Variants in NCOA7 observed in about 807,000 individuals in gnomAD.
The protein encoded by NCOA7 is nuclear receptor coactivator 7, also known as 140 kDa estrogen receptor-associated protein.
NCOA7 carries 45 observed loss-of-function variants against 104.3 expected under a neutral mutation model. That is an observed-to-expected ratio of 0.43 (90% CI 0.34 to 0.55). The LOEUF is 0.55. NCOA7 is among the 20% of genes least tolerant of loss of function. NCOA7 has a pLI of 0.02. For synonymous variants in NCOA7, 398 were observed against 402.3 expected (o/e 0.99, Z 0.13); for missense variants, 1,041 against 1,119.7 (o/e 0.93, Z 1.00).
rs1317557046 is a variant in NCOA7, at chr6:125,878,250, T to A, written c.352-13T>A. 1 of 1,588,606 alleles carries A rather than the reference T, an allele frequency of 6.3e-7. No homozygotes were observed. Among genetic ancestry groups the A allele is most frequent in the East Asian group, 2.2e-5 (1 of 44,446 alleles). On this transcript the variant is annotated splice_polypyrimidine_tract_variant and intron_variant, in intron 4 of 15. Transcript: ENST00000392477. ...GCTTTATTTATTGACTCTTACCTGT[T>A]TGATTATTCTAGGCTGGAAACCAGG...
At chr6:125,783,340 A>G (rs1037050558) in intron 1 of NCOA7, among the ~76,000 whole-genome samples, 1 of 152,216 alleles carries the variant, frequency 6.6e-6, no homozygotes, top group African/African-American at 2.4e-5. Context: ...GAGACTGTAG[A>G]CCATTCTGTT....
intron 10 of NCOA7, among the ~76,000 whole-genome samples, chr6:125,907,213 C>T (rs1210537171): frequency 6.6e-6 from 1 of 152,206 alleles, no homozygotes; most frequent in East Asian, 1.9e-4. Flanking sequence ...TCTGCCAGTG[C>T]CCTGAACATC....
At chr6:125,799,427 T>C (rs1335250741) in intron 1 of NCOA7, among the ~76,000 whole-genome samples, 1 of 148,752 alleles carries the variant, frequency 6.7e-6, no homozygotes, top group Non-Finnish European at 1.5e-5. Flanking sequence ...TTGGCTTACT[T>C]TATTGCTTAG....
chr6:125,803,229 G>T (rs376760292), intron 1 of NCOA7, among the ~76,000 whole-genome samples: 2 of 152,190 alleles, frequency 1.3e-5, no homozygotes, highest in African/African-American at 2.4e-5. Flanking sequence ...GCACTGGTCC[G>T]TGTGACCCAG....
At chr6:125,920,517 C>A (rs925288248) in intron 11 of NCOA7, among the ~76,000 whole-genome samples, 1 of 152,134 alleles carries the variant, frequency 6.6e-6, no homozygotes, top group Non-Finnish European at 1.5e-5. Flanking sequence ...TCTCAGTGAC[C>A]GAGCAATCAG....
intron 2 of NCOA7, among the ~76,000 whole-genome samples, chr6:125,824,543 G>T (rs1222921799): frequency 6.6e-6 from 1 of 152,126 alleles, no homozygotes; most frequent in Non-Finnish European, 1.5e-5. Context: ...ATAAAAGCTT[G>T]CTCCCTAAAT....
intron 2 of NCOA7, among the ~76,000 whole-genome samples, chr6:125,850,294 A>G (rs1583371868): frequency 6.6e-6 from 1 of 152,228 alleles, no homozygotes; most frequent in African/African-American, 2.4e-5. Flanking sequence ...CCAGAGAAAC[A>G]AAGTCTCATG....
rs1435779946 is a variant in NCOA7 at position 125,889,047 on chromosome 6, A to C, written c.993A>C (p.Glu331Asp). The change falls in exon 9 of 16, where the codon GAA becomes GAC. Residue 331 changes from glutamate (E) to aspartate (D), a missense_variant. Physicochemically the swap from Glu to Asp is conservative, Grantham distance 45. Transcript: ENST00000392477. ...GTAAGTTCAAATCTATCAACAAGGA[A>C]AAACGACAGCAGAATGGAGAGAAAA... ...PFSKFKSINK[E>D]KRQQNGEKIM... is the part of the protein sequence containing the mutation. The C allele has an allele frequency of 6.2e-7, 1 of 1,614,160 alleles. No individual in the cohort carries two copies. Among genetic ancestry groups the C allele is most frequent in the Non-Finnish European group, 8.5e-7 (1 of 1,179,970 alleles).
chr6:125,790,479 G>T (rs1583212657), upstream of NCOA7, among the ~76,000 whole-genome samples: 1 of 152,196 alleles, frequency 6.6e-6, no homozygotes, highest in African/African-American at 2.4e-5. Context: ...GGCCGCACGC[G>T]CAGCTCTCCG....
intron 7 of NCOA7, 107 bp from the exon 8 acceptor site, chr6:125,885,052 G>A: frequency 9.2e-7 from 1 of 1,088,072 alleles, no homozygotes; most frequent in Non-Finnish European, 1.4e-6. Flanking sequence ...AGGATACTGT[G>A]GTTCACAAAG....
chr6:125,854,837 A>G (rs1781414801), intron 2 of NCOA7, among the ~76,000 whole-genome samples, 183 bp from the exon 3 acceptor site: 1 of 152,210 alleles, frequency 6.6e-6, no homozygotes, highest in South Asian at 2.1e-4. Flanking sequence ...ACAGATCTCC[A>G]TGTAAGAATT....
At chr6:125,841,882 T>G (rs1728778362) in intron 2 of NCOA7, among the ~76,000 whole-genome samples, 1 of 152,186 alleles carries the variant, frequency 6.6e-6, no homozygotes, top group Non-Finnish European at 1.5e-5. Context: ...TTTTAAAATT[T>G]CATACCTGAT....
chr6:125,855,282 A>T, intron 3 of NCOA7, 42 bp downstream of exon 3: 1 of 1,444,676 alleles, frequency 6.9e-7, no homozygotes, highest in Non-Finnish European at 9.6e-7. Flanking sequence ...CATTTAAAAA[A>T]TCTATAAGAA....
chr6:125,881,670 C>CAAAAA (rs397887394), intron 6 of NCOA7, among the ~76,000 whole-genome samples: 1 of 90,546 alleles, frequency 1.1e-5, no homozygotes, highest in South Asian at 3.8e-4. Context: ...AACCCTATCT[C>CAAAAA]AAAAAAAAAA....
intron 2 of NCOA7, among the ~76,000 whole-genome samples, chr6:125,849,687 GA>G (rs1780951619): frequency 6.6e-6 from 1 of 152,164 alleles, no homozygotes; most frequent in Middle Eastern, 3.2e-3. Flanking sequence ...AGGTAAACTG[GA>G]GTGGGAAAGA....
intron 12 of NCOA7, among the ~76,000 whole-genome samples, chr6:125,922,201 T>G (rs1011950853): frequency 1.3e-5 from 2 of 152,208 alleles, no homozygotes; most frequent in African/African-American, 4.8e-5. Context: ...AAGATATAGG[T>G]GCAATAAGAA....
chr6:125,924,983 C>T (rs1188494527), intron 13 of NCOA7, among the ~76,000 whole-genome samples: 11 of 152,182 alleles, frequency 7.2e-5, no homozygotes, highest in Non-Finnish European at 5.9e-5. Flanking sequence ...TACCCACCCT[C>T]CACTCACAGA....
chr6:125,907,386 C>CG (rs1162722304), intron 10 of NCOA7, among the ~76,000 whole-genome samples: 4 of 114,756 alleles, frequency 3.5e-5, no homozygotes, highest in Non-Finnish European at 7.7e-5. Context: ...GCATTCAGGG[C>CG]GGCTTCCCCT....
chr6:125,901,483 G>C (rs1418142485), intron 10 of NCOA7, among the ~76,000 whole-genome samples: 2 of 152,338 alleles, frequency 1.3e-5, no homozygotes. Context: ...CCTTTACTCA[G>C]CTGCTGCACT....
Sources: allele counts gnomAD v4.1 joint callset (sites outside exome capture counted in the v4.1 genomes callset), GRCh38; gene constraint gnomAD v4.1.1; transcripts MANE v1.5; gene names NCBI Gene and HGNC (gene_info 2026-07-23, HGNC 2026-07-21).